The following KCNAB1 variants were observed in gnomAD, a reference collection of about 807,000 sequenced individuals.
KCNAB1 encodes potassium voltage-gated channel subfamily A regulatory beta subunit 1.
KCNAB1 carries 35 observed loss-of-function variants against 64.6 expected under a neutral mutation model. The ratio of observed to expected loss-of-function variants is 0.54; its 90% CI spans 0.41 to 0.72. The LOEUF (loss-of-function observed/expected upper bound fraction) is 0.72. KCNAB1 is among the 30% of genes least tolerant of loss of function. The probability of loss-of-function intolerance (pLI) is 0.00; values close to 1 mark genes in which losing one functional copy is unlikely to be tolerated. For missense variants in KCNAB1, 401 were observed against 512.9 expected (o/e 0.78, Z 2.11); for synonymous variants, 177 against 183.8 (o/e 0.96, Z 0.30).
intron 1 of KCNAB1, among the ~76,000 whole-genome samples, chr3:156,380,750 A>G (rs9846546): frequency 0.26 from 40,050 of 152,036 alleles, 6,612 homozygotes; most frequent in African/African-American, 0.48. Flanking sequence ...CCTCCCTGAA[A>G]CGTATTAAAC....
rs150514533 is a variant in KCNAB1, at chr3:156,494,204, T to C, written c.658+19384T>C. Among the ~76,000 whole-genome samples, 4 of 152,288 alleles carry C rather than the reference T, an allele frequency of 2.6e-5. No homozygotes were observed. In the East Asian group the frequency reaches 7.7e-4, roughly 29 times the overall value. On this transcript the variant is annotated intron_variant, in intron 8 of 13. Transcript: ENST00000490337. ...TCTGCTGTAAAAAAGAACTCTCTCT[T>C]CTTCCCCATTTATTTGTTTATTTAT...
intron 1 of KCNAB1, among the ~76,000 whole-genome samples, chr3:156,128,578 T>C (rs1713804107): frequency 6.6e-6 from 1 of 152,216 alleles, no homozygotes; most frequent in Non-Finnish European, 1.5e-5. Context: ...TGCCTTCACA[T>C]GACATAGAGC....
intron 1 of KCNAB1, chr3:156,291,750 C>A: frequency 6.8e-7 from 1 of 1,460,420 alleles, no homozygotes; most frequent in Non-Finnish European, 9.0e-7. Flanking sequence ...GTGGGCTTGG[C>A]TCGAAAGTCA....
At chr3:156,345,307 G>A (rs1373961740) in intron 1 of KCNAB1, among the ~76,000 whole-genome samples, 1 of 152,118 alleles carries the variant, frequency 6.6e-6, no homozygotes, top group Non-Finnish European at 1.5e-5. Flanking sequence ...TGAAAATAAG[G>A]AAATATTCTA....
rs190995270 is a variant in KCNAB1, at chr3:156,434,782, G to T, written c.319+13123G>T. ...CAGTAATGAGAGGTGATAACTAGTGGGGTGGAGTCCCTGAGAAAGAAGAAG... is the reference window on the plus strand; with the variant it reads ...CAGTAATGAGAGGTGATAACTAGTGTGGTGGAGTCCCTGAGAAAGAAGAAG... On this transcript the variant is annotated intron_variant, in intron 2 of 13. Transcript: ENST00000490337. Among the ~76,000 whole-genome samples, 1,023 of 152,286 alleles carry T rather than the reference G, an allele frequency of 6.7e-3. 15 individuals are homozygous for T. The highest frequency in any genetic ancestry group is 0.024 in the African/African-American group (983 of 41,548).
At chr3:156,435,300 G>A (rs16826142) in intron 2 of KCNAB1, among the ~76,000 whole-genome samples, 5,437 of 152,302 alleles carry the variant, frequency 0.036, 327 homozygotes, top group African/African-American at 0.12. Flanking sequence ...GGAAGAGGAC[G>A]TAGGACCTGA....
At chr3:156,367,830 AT>A (rs140553352) in intron 1 of KCNAB1, among the ~76,000 whole-genome samples, 10,174 of 152,196 alleles carry the variant, frequency 0.067, 406 homozygotes, top group East Asian at 0.17. Flanking sequence ...CTTTTTTTCT[AT>A]TTCTGAAATC....
intron 1 of KCNAB1, among the ~76,000 whole-genome samples, chr3:156,332,963 C>T (rs1723442897): frequency 6.6e-6 from 1 of 152,078 alleles, no homozygotes; most frequent in South Asian, 2.1e-4. Context: ...TCCTTGATTT[C>T]TCTATTAACA....
chr3:156,475,052 T>G (rs1353206441), intron 8 of KCNAB1, among the ~76,000 whole-genome samples: 1 of 152,226 alleles, frequency 6.6e-6, no homozygotes, highest in Non-Finnish European at 1.5e-5. Flanking sequence ...TGGCTCCCGC[T>G]GGTTACAGTG....
intron 1 of KCNAB1, among the ~76,000 whole-genome samples, chr3:156,188,956 A>G (rs913668968): frequency 2.0e-5 from 3 of 152,126 alleles, no homozygotes; most frequent in African/African-American, 7.2e-5. Flanking sequence ...GGGACTGACC[A>G]TGCTTTGCCG....
At chr3:156,193,482 C>G (rs574322221) in intron 1 of KCNAB1, among the ~76,000 whole-genome samples, 1 of 152,264 alleles carries the variant, frequency 6.6e-6, no homozygotes, top group South Asian at 2.1e-4. Flanking sequence ...TCTGTTTTCA[C>G]ACTGCTATAA....
At chr3:156,438,917 G>C (rs1205277759) in intron 2 of KCNAB1, among the ~76,000 whole-genome samples, 1 of 152,200 alleles carries the variant, frequency 6.6e-6, no homozygotes, top group Non-Finnish European at 1.5e-5. Context: ...AGGAGGCTGA[G>C]GCAGGAGAAT....
chr3:156,475,459 T>C (rs1463762512), intron 8 of KCNAB1, among the ~76,000 whole-genome samples: 1 of 152,184 alleles, frequency 6.6e-6, no homozygotes, highest in African/African-American at 2.4e-5. Flanking sequence ...GCTAGGATGT[T>C]TGAGACAGAA....
At chr3:156,479,315 G>A (rs1193181175) in intron 8 of KCNAB1, among the ~76,000 whole-genome samples, 3 of 151,978 alleles carry the variant, frequency 2.0e-5, no homozygotes, top group South Asian at 2.1e-4. Flanking sequence ...ATCTTCTCTC[G>A]AGCTCATTAG....
intron 1 of KCNAB1, among the ~76,000 whole-genome samples, chr3:156,352,168 C>T (rs1159589066): frequency 1.3e-5 from 2 of 152,244 alleles, no homozygotes; most frequent in Non-Finnish European, 2.9e-5. Context: ...GCCCCTAGCT[C>T]ACCCTAGAGT....
chr3:156,494,694 G>C (rs1024887680), intron 8 of KCNAB1, among the ~76,000 whole-genome samples: 2 of 152,084 alleles, frequency 1.3e-5, no homozygotes, highest in African/African-American at 4.8e-5. Context: ...CACACACACT[G>C]AGCAGCCATC....
chr3:156,520,888 C>G (rs1190360855), intron 11 of KCNAB1, among the ~76,000 whole-genome samples: 14 of 152,302 alleles, frequency 9.2e-5, no homozygotes, highest in Admixed American at 8.5e-4. Context: ...TGAAATGTGA[C>G]TGATTCTGTC....
chr3:156,495,048 C>T lies in KCNAB1; in HGVS notation c.659-19316C>T, dbSNP rs1715912280. Among the ~76,000 whole-genome samples, 3 of 152,050 alleles carry T rather than the reference C, an allele frequency of 2.0e-5. No homozygotes were observed. The South Asian group carries it at 6.2e-4, about 31-fold the overall frequency. ...CCTACCCTCAACTCCTCAACAGGCCCCAGTGTGTGTGCCCTGCAGTGTGTC... is the reference window on the plus strand; with the variant it reads ...CCTACCCTCAACTCCTCAACAGGCCTCAGTGTGTGTGCCCTGCAGTGTGTC... On this transcript the variant is annotated intron_variant, in intron 8 of 13. Coordinates refer to ENST00000490337, the MANE Select transcript of KCNAB1 (RefSeq NM_172160.3).
chr3:156,362,014 A>G (rs564002675), intron 1 of KCNAB1, among the ~76,000 whole-genome samples: 130 of 152,348 alleles, frequency 8.5e-4, no homozygotes, highest in Non-Finnish European at 1.2e-3. Context: ...CCCTGTGCCA[A>G]ACGTTGTTCT....
Sources: allele counts gnomAD v4.1 joint callset (sites outside exome capture counted in the v4.1 genomes callset), GRCh38; gene constraint gnomAD v4.1.1; transcripts MANE v1.5; gene names NCBI Gene and HGNC (gene_info 2026-07-23, HGNC 2026-07-21).